The following CSMD1 variants were observed in gnomAD, a reference collection of about 807,000 sequenced individuals.
CSMD1 encodes CUB and sushi domain-containing protein 1.
Under a neutral mutation model 417.5 loss-of-function variants are expected in CSMD1, and 213 were observed. The observed-to-expected ratio is 0.51, with a 90% CI of 0.46 to 0.57. The LOEUF is 0.57. Ranked by LOEUF, CSMD1 falls within the 20% of genes least tolerant of loss-of-function variation. The pLI, the probability that CSMD1 is intolerant of heterozygous loss-of-function variation, is 0.00. For missense variants in CSMD1, 6,923 were observed against 4,529.7 expected (o/e 1.53, Z -15.17); for synonymous variants, 2,862 against 1,736.8 (o/e 1.65, Z -16.11).
intron 9 of CSMD1, among the ~76,000 whole-genome samples, chr8:3,583,660 G>C (rs992118592): frequency 6.6e-6 from 1 of 151,988 alleles, no homozygotes; most frequent in African/African-American, 2.4e-5. Context: ...ACAGGAATCA[G>C]GGCTGGGTGA....
At chr8:4,008,705 G>T (rs919123887) in intron 4 of CSMD1, among the ~76,000 whole-genome samples, 1 of 144,634 alleles carries the variant, frequency 6.9e-6, no homozygotes, top group Non-Finnish European at 1.5e-5. Flanking sequence ...CCCCATCCCG[G>T]GTTCACATCA....
At chr8:4,061,285 A>T (rs891644442) in intron 3 of CSMD1, among the ~76,000 whole-genome samples, 5 of 152,194 alleles carry the variant, frequency 3.3e-5, no homozygotes, top group African/African-American at 1.2e-4. Flanking sequence ...CTTCACAGAG[A>T]GGTACATCTT....
At chr8:3,628,036 A>G (rs2117233983) in intron 7 of CSMD1, among the ~76,000 whole-genome samples, 1 of 152,328 alleles carries the variant, frequency 6.6e-6, no homozygotes, top group African/African-American at 2.4e-5. Flanking sequence ...GGGCAATGTA[A>G]TATAAAGCAG....
In CSMD1 at chr8:3,773,078, A is replaced by C. The variant is rs116093660; in HGVS notation, c.819-19036T>G. 6.7e-3 allele frequency among the ~76,000 whole-genome samples: 1,022 copies of C among 152,218 alleles called. 15 individuals are homozygous for C. The highest frequency in any genetic ancestry group is 0.023 in the African/African-American group (952 of 41,524). On this transcript the variant is annotated intron_variant, in intron 5 of 69. Transcript: ENST00000635120. ...GGAGCTCTCTGGGGCCTCTTCTATA[A>C]GGACACTAATCACACTCACGAGGGC...
chr8:4,993,316 C>T (rs1168206013), intron 1 of CSMD1, among the ~76,000 whole-genome samples: 1 of 149,208 alleles, frequency 6.7e-6, no homozygotes, highest in Non-Finnish European at 1.5e-5. Context: ...ATAAAGAAAG[C>T]ATCTAAGGAG....
At chr8:3,971,489 A>G (rs17068293) in intron 5 of CSMD1, among the ~76,000 whole-genome samples, 2 of 152,234 alleles carry the variant, frequency 1.3e-5, no homozygotes, top group African/African-American at 2.4e-5. Flanking sequence ...TAAAAAATCT[A>G]TGTGATAAAT....
chr8:3,444,020 G>A (rs1815153835), intron 12 of CSMD1, among the ~76,000 whole-genome samples: 1 of 152,100 alleles, frequency 6.6e-6, no homozygotes, highest in Non-Finnish European at 1.5e-5. Context: ...ACCTTGCAGT[G>A]CTGAATGTGA....
At chr8:3,406,760 A>G (rs1446307875) in intron 14 of CSMD1, among the ~76,000 whole-genome samples, 3 of 152,218 alleles carry the variant, frequency 2.0e-5, no homozygotes, top group African/African-American at 7.2e-5. Context: ...ATAATGTAGT[A>G]TTACTCATAT....
At chr8:3,686,688 G>C (rs1419050538) in intron 7 of CSMD1, among the ~76,000 whole-genome samples, 1 of 152,124 alleles carries the variant, frequency 6.6e-6, no homozygotes, top group Admixed American at 6.6e-5. Flanking sequence ...CACTTCTCTA[G>C]CCGATCCCTT....
chr8:3,743,277 G>C (rs952622734), intron 6 of CSMD1, among the ~76,000 whole-genome samples: 3 of 152,194 alleles, frequency 2.0e-5, no homozygotes, highest in Admixed American at 6.5e-5. Flanking sequence ...CAAGGAACAT[G>C]AAGCGAATTC....
intron 7 of CSMD1, among the ~76,000 whole-genome samples, chr8:3,654,713 A>G (rs1022606829): frequency 4.6e-5 from 7 of 152,214 alleles, no homozygotes; most frequent in Non-Finnish European, 7.3e-5. Context: ...ACAGGGACAC[A>G]TTGGGCATCT....
At chr8:3,335,668 T>C (rs1452689240) in intron 23 of CSMD1, among the ~76,000 whole-genome samples, 1 of 152,118 alleles carries the variant, frequency 6.6e-6, no homozygotes, top group Non-Finnish European at 1.5e-5. Flanking sequence ...AGAGTGAGAC[T>C]CCGACTCAAG....
At chr8:2,998,227 G>C (rs755464670) in intron 53 of CSMD1, 43 bp from the exon 54 acceptor site, 2 of 1,584,282 alleles carry the variant, frequency 1.3e-6, no homozygotes, top group South Asian at 2.2e-5. Flanking sequence ...TATTGAACAG[G>C]TCATCACTTT....
intron 1 of CSMD1, among the ~76,000 whole-genome samples, chr8:4,687,631 T>C (rs1159576449): frequency 1.3e-5 from 2 of 152,188 alleles, no homozygotes; most frequent in African/African-American, 4.8e-5. Flanking sequence ...AATTATGAAG[T>C]GTTACTCACA....
intron 4 of CSMD1, among the ~76,000 whole-genome samples, chr8:4,002,198 C>A (rs1423392447): frequency 1.3e-5 from 2 of 151,180 alleles, no homozygotes; most frequent in African/African-American, 4.8e-5. Context: ...AGTGTTGGTG[C>A]CTGTGAGTGT....
chr8:4,284,935 C>G (rs369300321), intron 3 of CSMD1, among the ~76,000 whole-genome samples: 1 of 152,288 alleles, frequency 6.6e-6, no homozygotes, highest in East Asian at 1.9e-4. Context: ...CAGTTAATTA[C>G]CTGTAAGACC....
intron 3 of CSMD1, among the ~76,000 whole-genome samples, chr8:4,073,734 G>A (rs1799678947): frequency 6.6e-6 from 1 of 152,196 alleles, no homozygotes. Flanking sequence ...GACACCAGCT[G>A]TTTTCCATTT....
At chr8:4,002,382 A>G (rs762160045) in intron 4 of CSMD1, among the ~76,000 whole-genome samples, 4 of 152,218 alleles carry the variant, frequency 2.6e-5, no homozygotes, top group Admixed American at 6.5e-5. Flanking sequence ...CATTTTAAAC[A>G]TAATAGCATT....
chr8:4,119,041 T>C (rs1015331547), intron 3 of CSMD1, among the ~76,000 whole-genome samples: 3 of 151,930 alleles, frequency 2.0e-5, no homozygotes, highest in Non-Finnish European at 2.9e-5. Context: ...AGTTGAATAA[T>C]GAGAACACAC....
Sources: gnomAD v4.1 joint callset for allele counts (sites outside exome capture counted in the v4.1 genomes callset) on GRCh38, gnomAD v4.1.1 for gene constraint, MANE v1.5 for transcripts, NCBI Gene and HGNC (gene_info 2026-07-23, HGNC 2026-07-21) for gene names.